The following KCNQ5 variants were observed in gnomAD, a reference collection of about 807,000 sequenced individuals.
The protein encoded by KCNQ5 is potassium voltage-gated channel subfamily KQT member 5.
Under a neutral mutation model 98.2 loss-of-function variants are expected in KCNQ5, and 30 were observed. That is an observed-to-expected ratio of 0.31 (90% confidence interval 0.23 to 0.41). The LOEUF (loss-of-function observed/expected upper bound fraction) is 0.41. Among genes scored for constraint, KCNQ5 ranks in the 10% least tolerant of loss-of-function variants. The pLI is 1.00. For synonymous variants in KCNQ5, 458 were observed against 449.4 expected (o/e 1.02, Z -0.24); for missense variants, 835 against 1,182.5 (o/e 0.71, Z 4.31).
chr6:72,855,749 T>C (rs768516980), intron 1 of KCNQ5, among the ~76,000 whole-genome samples: 3 of 152,182 alleles, frequency 2.0e-5, no homozygotes, highest in Non-Finnish European at 2.9e-5. Context: ...TAATGAGTGC[T>C]ACCAGCTGAG....
intron 1 of KCNQ5, among the ~76,000 whole-genome samples, chr6:72,881,680 A>G (rs1302383994): frequency 6.6e-6 from 1 of 151,964 alleles, no homozygotes; most frequent in African/African-American, 2.4e-5. Context: ...AATAGATTAT[A>G]TTACTTTTTT....
At chr6:73,015,861 C>T (rs776686384) in intron 2 of KCNQ5, among the ~76,000 whole-genome samples, 1 of 152,118 alleles carries the variant, frequency 6.6e-6, no homozygotes, top group African/African-American at 2.4e-5. Context: ...GAAACCTGGA[C>T]CAAATACCTC....
intron 1 of KCNQ5, among the ~76,000 whole-genome samples, chr6:72,894,202 T>C (rs1257884589): frequency 6.6e-6 from 1 of 152,146 alleles, no homozygotes; most frequent in East Asian, 1.9e-4. Context: ...TTCTGACACT[T>C]GAAATTTTAC....
chr6:72,810,414 G>T (rs956737765), intron 1 of KCNQ5, among the ~76,000 whole-genome samples: 8 of 152,210 alleles, frequency 5.3e-5, no homozygotes, highest in African/African-American at 1.7e-4. Context: ...TAGAATTCAT[G>T]TGGTATGTTG....
chr6:72,948,037 A>G (rs1463957849), intron 1 of KCNQ5, among the ~76,000 whole-genome samples: 2 of 152,144 alleles, frequency 1.3e-5, no homozygotes, highest in Non-Finnish European at 2.9e-5. Flanking sequence ...GAAGTTTTCC[A>G]GAACAACAAG....
rs189742799 is a variant in KCNQ5, at chr6:72,814,091, G to T, written c.399-189817G>T. ...GGACTTCTATGAGAGCAAGAGCGTG[G>T]CCCAGTGCAGAGCCAGGCCCAAGGC... is the stretch of plus-strand genomic sequence containing the variant. On this transcript the variant is annotated intron_variant, in intron 1 of 13. Coordinates refer to ENST00000370398, the MANE Select transcript of KCNQ5 (RefSeq NM_019842.4). Among the ~76,000 whole-genome samples the T allele has an allele frequency of 8.5e-5, 13 of 152,308 alleles. No individual in the cohort carries two copies. The East Asian group carries it at 2.5e-3, about 29-fold the overall frequency.
At chr6:72,797,027 A>G (rs980313724) in intron 1 of KCNQ5, among the ~76,000 whole-genome samples, 4 of 152,186 alleles carry the variant, frequency 2.6e-5, no homozygotes, top group Middle Eastern at 3.2e-3. Context: ...TTTTGTCAAC[A>G]CACATTAATT....
intron 7 of KCNQ5, among the ~76,000 whole-genome samples, chr6:73,112,941 T>A (rs1196443474): frequency 1.4e-5 from 2 of 141,222 alleles, no homozygotes; most frequent in East Asian, 4.2e-4. Flanking sequence ...AGAATCTCTA[T>A]TTTTTTACAT....
intron 10 of KCNQ5, among the ~76,000 whole-genome samples, chr6:73,161,388 G>A (rs562757066): frequency 6.2e-4 from 94 of 152,326 alleles, no homozygotes; most frequent in African/African-American, 2.0e-3. Context: ...CAGTCCTAGC[G>A]TTTGATAGGT....
chr6:73,025,602 G>A (rs1231752258), intron 2 of KCNQ5, among the ~76,000 whole-genome samples: 8 of 120,476 alleles, frequency 6.6e-5, no homozygotes, highest in African/African-American at 1.3e-4. Flanking sequence ...CAGCCTGGGC[G>A]ACAAGAGCAA....
At chr6:72,811,058 G>A (rs557046188) in intron 1 of KCNQ5, among the ~76,000 whole-genome samples, 1 of 152,284 alleles carries the variant, frequency 6.6e-6, no homozygotes, top group South Asian at 2.1e-4. Context: ...CTCATGCATG[G>A]CATCATTGCA....
intron 3 of KCNQ5, among the ~76,000 whole-genome samples, chr6:73,075,333 A>C (rs368302734): frequency 1.4e-3 from 215 of 150,700 alleles, no homozygotes; most frequent in African/African-American, 4.6e-3. Context: ...AGGGATTCTC[A>C]TGCCTCAGCC....
intron 1 of KCNQ5, among the ~76,000 whole-genome samples, chr6:72,636,490 T>C (rs1264716996): frequency 1.3e-5 from 2 of 152,230 alleles, no homozygotes; most frequent in Non-Finnish European, 2.9e-5. Context: ...TAACCTTTTC[T>C]AGAATGAAAA....
At chr6:72,900,327 C>CAT (rs527328404) in intron 1 of KCNQ5, among the ~76,000 whole-genome samples, 78 of 146,982 alleles carry the variant, frequency 5.3e-4, no homozygotes, top group East Asian at 2.4e-3. Flanking sequence ...TATCCCATCT[C>CAT]ATATATATAT....
At chr6:73,129,185 T>A (rs544240317) in intron 9 of KCNQ5, among the ~76,000 whole-genome samples, 1 of 152,346 alleles carries the variant, frequency 6.6e-6, no homozygotes, top group African/African-American at 2.4e-5. Context: ...GGTCTCTCCT[T>A]CTGTTCACAT....
chr6:72,746,844 C>T (rs16882804), intron 1 of KCNQ5, among the ~76,000 whole-genome samples: 16,281 of 152,096 alleles, frequency 0.11, 2,774 homozygotes, highest in African/African-American at 0.36. Flanking sequence ...TTGTGTTAAA[C>T]TAATGTATAC....
chr6:72,906,462 C>T (rs1779703794), intron 1 of KCNQ5, among the ~76,000 whole-genome samples: 1 of 152,206 alleles, frequency 6.6e-6, no homozygotes, highest in Non-Finnish European at 1.5e-5. Flanking sequence ...CTGGAGATTT[C>T]CTTTTCCCTG....
chr6:72,772,869 A>G (rs895681909), intron 1 of KCNQ5, among the ~76,000 whole-genome samples: 4 of 152,202 alleles, frequency 2.6e-5, no homozygotes, highest in Non-Finnish European at 5.9e-5. Context: ...AAGCTACCAA[A>G]GAGCTTTTAT....
intron 10 of KCNQ5, among the ~76,000 whole-genome samples, chr6:73,142,062 T>C (rs959510186): frequency 8.5e-5 from 13 of 152,198 alleles, no homozygotes; most frequent in Non-Finnish European, 1.9e-4. Context: ...CCTTGCCACA[T>C]TATTCACACC....
Sources: gnomAD v4.1 joint callset for allele counts (sites outside exome capture counted in the v4.1 genomes callset) on GRCh38, gnomAD v4.1.1 for gene constraint, MANE v1.5 for transcripts, NCBI Gene and HGNC (gene_info 2026-07-23, HGNC 2026-07-21) for gene names.